SPIRE1: variants seen among roughly 807,000 people sequenced by gnomAD.
SPIRE1 encodes spire type actin nucleation factor 1, also known as protein spire homolog 1.
In SPIRE1, 40 loss-of-function variants were observed where a neutral mutation model predicts 94.1. The observed-to-expected ratio is 0.43, with a 90% confidence interval of 0.33 to 0.55. SPIRE1 has a LOEUF of 0.55. SPIRE1 is among the 20% of genes least tolerant of loss of function. SPIRE1 has a pLI of 0.06. For synonymous variants in SPIRE1, 376 were observed against 371.7 expected (o/e 1.01, Z -0.13); for missense variants, 838 against 975.2 (o/e 0.86, Z 1.87).
intron 2 of SPIRE1, among the ~76,000 whole-genome samples, chr18:12,582,111 T>C: frequency 6.6e-6 from 1 of 152,178 alleles, no homozygotes. Context: ...ATTGAGTCCT[T>C]TGTATGCCAG....
chr18:12,641,378 T>TC (rs1360985652), intron 1 of SPIRE1, among the ~76,000 whole-genome samples: 1 of 150,904 alleles, frequency 6.6e-6, no homozygotes, highest in Non-Finnish European at 1.5e-5. Context: ...TTTTTTCTTT[T>TC]TTTTTTTTTG....
chr18:12,463,070 A>G (rs531527884), intron 12 of SPIRE1, among the ~76,000 whole-genome samples: 1 of 151,772 alleles, frequency 6.6e-6, no homozygotes, highest in Non-Finnish European at 1.5e-5. Context: ...GCTAATTATT[A>G]TTATTTTTTT....
At chr18:12,612,656 A>G (rs1389574729) in intron 2 of SPIRE1, among the ~76,000 whole-genome samples, 1 of 152,222 alleles carries the variant, frequency 6.6e-6, no homozygotes, top group Non-Finnish European at 1.5e-5. Context: ...TATGCATATT[A>G]AAGTTTGAGA....
At chr18:12,481,313 G>A (rs1013429178) in intron 9 of SPIRE1, among the ~76,000 whole-genome samples, 9 of 142,264 alleles carry the variant, frequency 6.3e-5, no homozygotes, top group Non-Finnish European at 1.5e-5. Context: ...TTTACAGTAG[G>A]ATATTCCCCC....
intron 2 of SPIRE1, among the ~76,000 whole-genome samples, chr18:12,574,290 A>T (rs969957150): frequency 6.6e-5 from 10 of 152,188 alleles, no homozygotes; most frequent in Non-Finnish European, 1.5e-4. Flanking sequence ...AGTGTTAGAG[A>T]ACGGATTAAA....
At chr18:12,456,839 C>A (rs992144046) in intron 12 of SPIRE1, among the ~76,000 whole-genome samples, 21 of 152,162 alleles carry the variant, frequency 1.4e-4, no homozygotes, top group Admixed American at 1.0e-3. Flanking sequence ...GGGATATAAT[C>A]ATTTTTCTTT....
At chr18:12,502,806 A>C (rs942116684) in intron 6 of SPIRE1, among the ~76,000 whole-genome samples, 1 of 152,116 alleles carries the variant, frequency 6.6e-6, no homozygotes, top group African/African-American at 2.4e-5. Context: ...GCACACACAT[A>C]CAAGGAAATA....
intron 2 of SPIRE1, among the ~76,000 whole-genome samples, chr18:12,573,944 T>G (rs1162181393): frequency 6.6e-6 from 1 of 152,166 alleles, no homozygotes; most frequent in Non-Finnish European, 1.5e-5. Context: ...TTTCACCGTG[T>G]TAGCCAGGAT....
upstream of SPIRE1, among the ~76,000 whole-genome samples, chr18:12,659,632 T>C (rs552297431): frequency 1.3e-5 from 2 of 152,204 alleles, no homozygotes; most frequent in East Asian, 3.9e-4. Context: ...ATCACACCAC[T>C]GCACTCCAGC....
intron 3 of SPIRE1, among the ~76,000 whole-genome samples, chr18:12,546,435 C>G (rs2035171525): frequency 6.6e-6 from 1 of 151,990 alleles, no homozygotes; most frequent in African/African-American, 2.4e-5. Flanking sequence ...GGGTTCAAAA[C>G]CAGCCTGAGC....
chr18:12,509,366 T>G (rs1248045741), intron 5 of SPIRE1, among the ~76,000 whole-genome samples: 1 of 152,244 alleles, frequency 6.6e-6, no homozygotes, highest in Non-Finnish European at 1.5e-5. Flanking sequence ...ACTTTAAGTT[T>G]ATACTAGCTG....
chr18:12,613,124 G>C (rs942528965), intron 2 of SPIRE1, among the ~76,000 whole-genome samples: 4 of 152,138 alleles, frequency 2.6e-5, no homozygotes, highest in African/African-American at 9.7e-5. Context: ...TCCTAGATGA[G>C]AGCCTGGACA....
chr18:12,540,335 C>G (rs532435822), intron 3 of SPIRE1, among the ~76,000 whole-genome samples: 1 of 152,226 alleles, frequency 6.6e-6, no homozygotes, highest in South Asian at 2.1e-4. Context: ...GAACGTCTTC[C>G]CTGTTTGTCC....
intron 2 of SPIRE1, among the ~76,000 whole-genome samples, chr18:12,569,357 A>G (rs1432192681): frequency 1.4e-5 from 2 of 145,386 alleles, no homozygotes; most frequent in East Asian, 2.0e-4. Context: ...AAAAAAAAAA[A>G]GGAGCACAGG....
At position 12,616,797 on chromosome 18, in the gene SPIRE1, T is replaced by C. The variant is rs147161862; in HGVS notation, c.372+18265A>G. On this transcript the variant is annotated intron_variant, in intron 2 of 16. Transcript: ENST00000409402. Reference sequence around the variant, plus strand: ...CTTATTCAGCAATGCAATACATTCATGTGCTACGTTTTATTAAGATTACTG... The same window carrying C: ...CTTATTCAGCAATGCAATACATTCACGTGCTACGTTTTATTAAGATTACTG... Among the ~76,000 whole-genome samples the C allele has an allele frequency of 7.1e-3, 1,085 of 152,374 alleles. 46 individuals are homozygous for C. Among genetic ancestry groups the C allele is most frequent in the Admixed American group, 0.06 (918 of 15,296 alleles).
chr18:12,553,766 A>G (rs905423350), intron 2 of SPIRE1, among the ~76,000 whole-genome samples: 3 of 152,174 alleles, frequency 2.0e-5, no homozygotes, highest in African/African-American at 7.2e-5. Context: ...CAACCTAAAA[A>G]TGCATCCTAA....
chr18:12,513,652 T>C lies in SPIRE1; in HGVS notation c.730-1121A>G, dbSNP rs1246387591. Among the ~76,000 whole-genome samples the C allele has an allele frequency of 2.0e-5, 3 of 151,678 alleles. No homozygotes were observed. In the East Asian group the frequency reaches 5.8e-4, roughly 30 times the overall value. On this transcript the variant is annotated intron_variant, in intron 4 of 16. Coordinates refer to ENST00000409402, the MANE Select transcript of SPIRE1 (RefSeq NM_001128626.2). ...GATTCTCCTGCCTCAGCCTCCCGAG[T>C]AGCTAGGAGTACAGGCATGCGCCAC...
At chr18:12,560,289 T>G (rs1371515250) in intron 2 of SPIRE1, among the ~76,000 whole-genome samples, 1 of 152,182 alleles carries the variant, frequency 6.6e-6, no homozygotes, top group Non-Finnish European at 1.5e-5. Flanking sequence ...CACTCCCATG[T>G]TTACTGCAGC....
chr18:12,498,922 CATTT>C (rs1439798378), intron 6 of SPIRE1, among the ~76,000 whole-genome samples: 1 of 152,052 alleles, frequency 6.6e-6, no homozygotes, highest in Non-Finnish European at 1.5e-5. Context: ...GCACCCTGCC[CATTT>C]ATTTATTTAT....
Sources: allele counts gnomAD v4.1 joint callset (sites outside exome capture counted in the v4.1 genomes callset), GRCh38; gene constraint gnomAD v4.1.1; transcripts MANE v1.5; gene names NCBI Gene and HGNC (gene_info 2026-07-23, HGNC 2026-07-21).